The following PRTG variants were observed in gnomAD, a reference collection of about 807,000 sequenced individuals.
PRTG encodes protogenin.
PRTG carries 67 observed loss-of-function variants against 122.5 expected under a neutral mutation model. The observed-to-expected ratio is 0.55, with a 90% CI of 0.45 to 0.67. The LOEUF (loss-of-function observed/expected upper bound fraction) is 0.67. PRTG is among the 30% of genes least tolerant of loss of function. The probability of loss-of-function intolerance (pLI) is 0.00; values close to 1 mark genes in which losing one functional copy is unlikely to be tolerated. For synonymous variants in PRTG, 554 were observed against 501.1 expected, an observed-to-expected ratio of 1.11 and a Z score of -1.41; for missense variants, 1,435 against 1,415.4, an observed-to-expected ratio of 1.01 and a Z score of -0.22.
At chr15:55,630,687 T>G (rs2141720638) in intron 15 of PRTG, among the ~76,000 whole-genome samples, 1 of 152,332 alleles carries the variant, frequency 6.6e-6, no homozygotes, top group East Asian at 1.9e-4. Context: ...TTTCTGTCCT[T>G]GTTCTGCCAC....
In PRTG at chr15:55,649,430, T is replaced by G. The variant is rs527353776; in HGVS notation, c.2042-8222A>C. Among the ~76,000 whole-genome samples, 86 of 150,008 alleles carry G rather than the reference T, an allele frequency of 5.7e-4. 1 individual carries two copies. In the South Asian group the frequency reaches 0.018, roughly 32 times the overall value. On this transcript the variant is annotated intron_variant, in intron 11 of 19. Coordinates refer to ENST00000389286, the MANE Select transcript of PRTG (RefSeq NM_173814.6). ...GGGGAGGGAAAATAATTTAATTCCATGAAGTGCTTTAAAAGAGGGCTTGAG... is the reference window on the plus strand; with the variant it reads ...GGGGAGGGAAAATAATTTAATTCCAGGAAGTGCTTTAAAAGAGGGCTTGAG...
chr15:55,655,415 A>C (rs1205588821), intron 11 of PRTG: 2 of 152,224 alleles, frequency 1.3e-5, no homozygotes, highest in Non-Finnish European at 2.9e-5. Context: ...ATTTTCTGAT[A>C]AATAAAACAT....
At chr15:55,637,734 G>T (rs532313483) in intron 14 of PRTG, among the ~76,000 whole-genome samples, 3 of 151,968 alleles carry the variant, frequency 2.0e-5, no homozygotes, top group Non-Finnish European at 4.4e-5. Flanking sequence ...GATCTAGGAG[G>T]CCAGTGAAGA....
At position 55,628,866 on chromosome 15, in the gene PRTG, T is replaced by G; in HGVS notation, c.2762A>C (p.Glu921Ala). 6.2e-7 allele frequency: 1 copy of G among 1,614,120 alleles called. No individual in the cohort carries two copies. Among genetic ancestry groups the G allele is most frequent in the Non-Finnish European group, 8.5e-7 (1 of 1,179,982 alleles). Reference protein sequence around the residue: ...ELAVLPKETSESNQRPKRLDS... With the variant: ...ELAVLPKETSASNQRPKRLDS... ...TAAACGCTTGGGCCTCTGATTTGATTCAGAGGTTTCCTTTGGAAGTACTGC... is the reference window on the plus strand; with the variant it reads ...TAAACGCTTGGGCCTCTGATTTGATGCAGAGGTTTCCTTTGGAAGTACTGC... The change falls in exon 16 of 20, where the codon GAA becomes GCA. Residue 921 changes from glutamate to alanine, a missense_variant. Physicochemically the swap from Glu to Ala is moderately radical, Grantham distance 107 (BLOSUM62 -1). Coordinates refer to ENST00000389286, the MANE Select transcript of PRTG (RefSeq NM_173814.6).
rs187868781 is a variant in PRTG, at chr15:55,715,235, G to C, written c.397+25147C>G. On this transcript the variant is annotated intron_variant, in intron 2 of 19. Coordinates refer to ENST00000389286, the MANE Select transcript of PRTG (RefSeq NM_173814.6). Reference sequence around the variant, plus strand: ...TTTCTCATTTGCATCCTTGCCTAATGAATTAGTTTCCACCATATCTATGAC... The same window carrying C: ...TTTCTCATTTGCATCCTTGCCTAATCAATTAGTTTCCACCATATCTATGAC... 1.8e-3 allele frequency among the ~76,000 whole-genome samples: 272 copies of C among 152,266 alleles called. 1 individual carries two copies. Among genetic ancestry groups the C allele is most frequent in the Non-Finnish European group, 3.2e-3 (221 of 68,018 alleles).
chr15:55,626,641 C>T (rs2059196617), intron 17 of PRTG, among the ~76,000 whole-genome samples: 1 of 151,128 alleles, frequency 6.6e-6, no homozygotes, highest in Admixed American at 6.6e-5. Flanking sequence ...GCCTGGAGTC[C>T]CAGCTACTCG....
chr15:55,707,193 G>A (rs1215958086), intron 2 of PRTG, among the ~76,000 whole-genome samples: 1 of 152,162 alleles, frequency 6.6e-6, no homozygotes, highest in Non-Finnish European at 1.5e-5. Context: ...GAATTCTTAT[G>A]ATTGAGAATT....
At chr15:55,709,336 T>A (rs2030286608) in intron 2 of PRTG, among the ~76,000 whole-genome samples, 1 of 147,024 alleles carries the variant, frequency 6.8e-6, no homozygotes, top group Non-Finnish European at 1.5e-5. Context: ...TTAAAAAAAG[T>A]TTATATATAT....
At chr15:55,718,368 TCTTC>T (rs752734690) in intron 2 of PRTG, among the ~76,000 whole-genome samples, 55 of 152,028 alleles carry the variant, frequency 3.6e-4, no homozygotes, top group Admixed American at 2.6e-4. Flanking sequence ...TCATCCCAAA[TCTTC>T]CTTGTTTCCC....
At chr15:55,675,039 G>A (rs2059494552) in intron 9 of PRTG, among the ~76,000 whole-genome samples, 1 of 152,066 alleles carries the variant, frequency 6.6e-6, no homozygotes, top group Admixed American at 6.6e-5. Context: ...GAAACAAACT[G>A]AACAAGTAAT....
Position 55,635,056 on chromosome 15 carries a change from C to CCT in PRTG, c.2623+2112_2623+2113dup, listed in dbSNP as rs1304224536. Among the ~76,000 whole-genome samples the CCT allele has an allele frequency of 1.1e-4, 9 of 84,702 alleles. 1 individual carries two copies. Among genetic ancestry groups the CCT allele is most frequent in the African/African-American group, 2.9e-4 (8 of 27,360 alleles). The allele number at this position is 84,702 out of a possible 152,430, so 55.6% of individuals were successfully genotyped here. On this transcript the variant is annotated intron_variant, in intron 15 of 19. Transcript: ENST00000389286. The stretch of plus-strand genomic sequence containing the variant: ...TCTCTTCTCTTCCTGACTGGGGAGC[C>CCT]CTCTGTTGTTGGTTCTGGGTGTGTG...
chr15:55,669,066 T>C (rs2059453868), intron 11 of PRTG, among the ~76,000 whole-genome samples: 1 of 152,158 alleles, frequency 6.6e-6, no homozygotes, highest in Non-Finnish European at 1.5e-5. Context: ...CATAAGTTCA[T>C]TCGTCTTTTT....
At chr15:55,689,613 T>C (rs1359772608) in intron 2 of PRTG, among the ~76,000 whole-genome samples, 3 of 136,410 alleles carry the variant, frequency 2.2e-5, no homozygotes, top group Non-Finnish European at 4.6e-5. Flanking sequence ...GTTGTGCACA[T>C]GTACCCTAGA....
chr15:55,692,289 G>C (rs1223568923), intron 2 of PRTG, among the ~76,000 whole-genome samples: 1 of 152,144 alleles, frequency 6.6e-6, no homozygotes, highest in Non-Finnish European at 1.5e-5. Context: ...AACTAGTTAA[G>C]AGACTATCAG....
intron 11 of PRTG, among the ~76,000 whole-genome samples, chr15:55,668,640 A>T (rs1034183636): frequency 6.6e-6 from 1 of 152,220 alleles, no homozygotes; most frequent in Non-Finnish European, 1.5e-5. Flanking sequence ...CTAATGTATT[A>T]AATCACAAGT....
At chr15:55,703,060 T>A in intron 2 of PRTG, 1 of 312,846 alleles carries the variant, frequency 3.2e-6, no homozygotes, top group Non-Finnish European at 4.6e-6. Flanking sequence ...CCAGTTGGTC[T>A]GTTCCTAGGA....
At chr15:55,639,234 C>T (rs183679576) in intron 13 of PRTG, among the ~76,000 whole-genome samples, 2 of 152,276 alleles carry the variant, frequency 1.3e-5, no homozygotes, top group African/African-American at 2.4e-5. Flanking sequence ...TCAGCCCCCC[C>T]AAAATCATTC....
chr15:55,624,448 G>T lies in PRTG; in HGVS notation c.2987C>A (p.Ala996Asp). Residue 996 changes from alanine to aspartate, a missense_variant, in exon 18 of 20, where the codon GCC (alanine) becomes GAC (aspartate). Ala to Asp is a moderately radical substitution (Grantham distance 126, BLOSUM62 -2). Coordinates refer to ENST00000389286, the MANE Select transcript of PRTG (RefSeq NM_173814.6). The stretch of plus-strand genomic sequence containing the variant: ...TACCTCATTTCCACTAGCTAAGGAG[G>T]CACTGGTACGAGGTAACTGTTGAGT... ...NGTQQLPRTSASLASGNEVGK... is the reference protein window; with the variant it reads ...NGTQQLPRTSDSLASGNEVGK... 2.5e-6 allele frequency: 4 copies of T among 1,613,764 alleles called. No homozygotes were observed. The highest frequency in any genetic ancestry group is 3.4e-6 in the Non-Finnish European group (4 of 1,179,738).
In PRTG at chr15:55,615,513, TTCTTCTAAACA is replaced by T. The variant is rs1449764383; in HGVS notation, c.*4488_*4498del. ...CTTAACACAGAACTCTACGGTTACATTCTTCTAAACATCAATAAAAAAATCACAATTAGACA... is the reference window on the plus strand; with the variant it reads ...CTTAACACAGAACTCTACGGTTACATTCAATAAAAAAATCACAATTAGACA... On this transcript the variant is annotated 3_prime_UTR_variant, in exon 20 of 20. Transcript: ENST00000389286. The T allele has an allele frequency of 4.6e-5, 7 of 152,218 alleles. No homozygotes were observed. Among genetic ancestry groups the T allele is most frequent in the African/African-American group, 1.7e-4 (7 of 41,554 alleles). 9.4% of individuals were successfully genotyped at this position (152,218 alleles called of 1,614,324 possible). A position where few individuals can be genotyped will look rare whatever the true frequency, so the allele number is the denominator to read the frequency against.
Sources: allele counts gnomAD v4.1 joint callset (sites outside exome capture counted in the v4.1 genomes callset), GRCh38; gene constraint gnomAD v4.1.1; transcripts MANE v1.5; gene names NCBI Gene and HGNC (gene_info 2026-07-23, HGNC 2026-07-21).